Variants in ADGRL2 observed in about 807,000 individuals in gnomAD.
ADGRL2 encodes the protein calcium-independent alpha-latrotoxin receptor 2.
In ADGRL2, 44 loss-of-function variants were observed where a neutral mutation model predicts 157.4. That is an observed-to-expected ratio of 0.28 (90% CI 0.22 to 0.36). ADGRL2 has a LOEUF of 0.36. Ranked by LOEUF, ADGRL2 falls within the 10% of genes least tolerant of loss-of-function variation. The probability of loss-of-function intolerance (pLI) is 1.00; values close to 1 mark genes in which losing one functional copy is unlikely to be tolerated. For missense variants in ADGRL2, 1,510 were observed against 1,768.9 expected, an observed-to-expected ratio of 0.85 and a Z score of 2.63; for synonymous variants, 585 against 624.7, an observed-to-expected ratio of 0.94 and a Z score of 0.95.
intron 2 of ADGRL2, among the ~76,000 whole-genome samples, chr1:81,535,268 T>C (rs2079706609): frequency 6.6e-6 from 1 of 152,230 alleles, no homozygotes; most frequent in African/African-American, 2.4e-5. Flanking sequence ...AGAGTGATTT[T>C]TAAAAATTTT....
chr1:81,344,226 C>T (rs1051016213), intron 1 of ADGRL2, among the ~76,000 whole-genome samples: 5 of 152,070 alleles, frequency 3.3e-5, no homozygotes, highest in Admixed American at 6.6e-5. Context: ...AACGTCACCA[C>T]GCCCTAATTC....
In ADGRL2 at chr1:81,487,945, T is replaced by C. The variant is rs1243012186; in HGVS notation, c.-248+42856T>C. Among the ~76,000 whole-genome samples, 8 of 152,048 alleles carry C rather than the reference T, an allele frequency of 5.3e-5. No individual in the cohort carries two copies. The East Asian group carries it at 1.5e-3, about 29-fold the overall frequency. On this transcript the variant is annotated intron_variant, in intron 2 of 24. Coordinates refer to the ADGRL2 transcript ENST00000370721. ...TTAGTGATATATTTAGTAAAAAATA[T>C]GCGCAAGGCACCCCGTCCTCCAAAT... is the stretch of plus-strand genomic sequence containing the variant.
intron 4 of ADGRL2, among the ~76,000 whole-genome samples, chr1:81,939,458 A>C (rs1647190626): frequency 6.6e-6 from 1 of 151,542 alleles, no homozygotes; most frequent in Non-Finnish European, 1.5e-5. Flanking sequence ...TAAAACTACT[A>C]TAATATTAGC....
chr1:81,479,381 G>C (rs1028604092), intron 2 of ADGRL2, among the ~76,000 whole-genome samples: 2 of 151,976 alleles, frequency 1.3e-5, no homozygotes, highest in Admixed American at 1.3e-4. Context: ...TGCTCGGGAG[G>C]CTGAGGCAGG....
chr1:81,428,688 G>A (rs867452724), intron 1 of ADGRL2, among the ~76,000 whole-genome samples: 3 of 152,162 alleles, frequency 2.0e-5, no homozygotes, highest in African/African-American at 4.8e-5. Flanking sequence ...AGTTTGTCTG[G>A]ACTCTGGGAG....
At chr1:81,653,530 T>C (rs2082465989) in intron 3 of ADGRL2, among the ~76,000 whole-genome samples, 1 of 152,170 alleles carries the variant, frequency 6.6e-6, no homozygotes, top group African/African-American at 2.4e-5. Flanking sequence ...TTAGGCTGCT[T>C]CCCAACACTG....
In ADGRL2 at chr1:81,488,853, A is replaced by G. The variant is rs537959841; in HGVS notation, c.-248+43764A>G. On this transcript the variant is annotated intron_variant, in intron 2 of 24. Coordinates refer to the ADGRL2 transcript ENST00000370721. ...GTCTACTAGATAAAGACTTTAAAATAGCACCTTAAAGATATTCAAAAAACT... is the reference window on the plus strand; with the variant it reads ...GTCTACTAGATAAAGACTTTAAAATGGCACCTTAAAGATATTCAAAAAACT... Among the ~76,000 whole-genome samples, 85 of 152,318 alleles carry G rather than the reference A, an allele frequency of 5.6e-4. 2 individuals carry two copies. The South Asian group carries it at 0.017, about 31-fold the overall frequency.
intron 1 of ADGRL2, among the ~76,000 whole-genome samples, chr1:81,809,334 T>C (rs1278339106): frequency 6.6e-6 from 1 of 152,030 alleles, no homozygotes; most frequent in East Asian, 1.9e-4. Flanking sequence ...GTTAGGCAGA[T>C]GTTAACTTCC....
At chr1:81,636,882 T>A (rs573207545) in intron 3 of ADGRL2, among the ~76,000 whole-genome samples, 71 of 152,176 alleles carry the variant, frequency 4.7e-4, no homozygotes, top group Non-Finnish European at 8.8e-4. Context: ...GTCGCCCAGA[T>A]GGGAGTGCAG....
chr1:81,529,072 C>T (rs2079540837), intron 2 of ADGRL2, among the ~76,000 whole-genome samples: 1 of 152,138 alleles, frequency 6.6e-6, no homozygotes, highest in Admixed American at 6.5e-5. Context: ...AAAAACTAAG[C>T]TGAGGAGTGT....
intron 2 of ADGRL2, among the ~76,000 whole-genome samples, chr1:81,531,895 C>T (rs1474693016): frequency 2.0e-5 from 3 of 152,058 alleles, no homozygotes; most frequent in Non-Finnish European, 2.9e-5. Flanking sequence ...CTTTAGACAC[C>T]GTAAAACCTG....
chr1:81,647,387 C>T (rs1029241534), intron 3 of ADGRL2, among the ~76,000 whole-genome samples: 4 of 152,104 alleles, frequency 2.6e-5, no homozygotes, highest in African/African-American at 9.7e-5. Flanking sequence ...TGAAATGCTC[C>T]AAAATCTGGA....
intron 1 of ADGRL2, among the ~76,000 whole-genome samples, chr1:81,397,413 G>C (rs546862561): frequency 7.2e-6 from 1 of 138,746 alleles, no homozygotes; most frequent in Non-Finnish European, 1.5e-5. Context: ...TCCGCCTCCC[G>C]GGTTCACGCC....
At chr1:81,419,757 G>T (rs1004310825) in intron 1 of ADGRL2, among the ~76,000 whole-genome samples, 3 of 152,158 alleles carry the variant, frequency 2.0e-5, no homozygotes, top group African/African-American at 7.2e-5. Context: ...CCCTGGCTTT[G>T]AGAATCACAA....
intron 1 of ADGRL2, among the ~76,000 whole-genome samples, chr1:81,754,591 TTTC>T (rs143492825): frequency 0.15 from 21,667 of 148,340 alleles, 2,354 homozygotes; most frequent in East Asian, 0.53. Flanking sequence ...CTTTCTTTCT[TTTC>T]TTTTCTTTCT....
intron 2 of ADGRL2, among the ~76,000 whole-genome samples, chr1:81,577,729 C>A (rs1207811036): frequency 6.6e-6 from 1 of 152,100 alleles, no homozygotes; most frequent in Non-Finnish European, 1.5e-5. Context: ...AAGCACTAGG[C>A]AAAAAATTCA....
At chr1:81,576,373 C>T (rs931358286) in intron 2 of ADGRL2, among the ~76,000 whole-genome samples, 1 of 152,068 alleles carries the variant, frequency 6.6e-6, no homozygotes, top group Non-Finnish European at 1.5e-5. Context: ...CCCTCTAAAT[C>T]ATAAATAATA....
chr1:81,649,965 T>C (rs987080111), intron 3 of ADGRL2, among the ~76,000 whole-genome samples: 1 of 151,826 alleles, frequency 6.6e-6, no homozygotes, highest in African/African-American at 2.4e-5. Context: ...CATGCTGGGC[T>C]AAGGTGAGAA....
intron 2 of ADGRL2, among the ~76,000 whole-genome samples, chr1:81,856,829 A>G (rs1285626026): frequency 2.0e-5 from 3 of 152,198 alleles, no homozygotes; most frequent in Non-Finnish European, 4.4e-5. Flanking sequence ...TTAGGGCCTT[A>G]ATATTCCATG....
Sources: gnomAD v4.1 joint callset for allele counts (sites outside exome capture counted in the v4.1 genomes callset) on GRCh38, gnomAD v4.1.1 for gene constraint, MANE v1.5 for transcripts, NCBI Gene and HGNC (gene_info 2026-07-23, HGNC 2026-07-21) for gene names.